ANKRD12: variants seen among roughly 807,000 people sequenced by gnomAD.
ANKRD12 encodes ankyrin repeat domain-containing protein 12.
Under a neutral mutation model 183.4 loss-of-function variants are expected in ANKRD12, and 85 were observed. That is an observed-to-expected ratio of 0.46 (90% confidence interval 0.39 to 0.56). The LOEUF (loss-of-function observed/expected upper bound fraction) is 0.56. ANKRD12 is among the 20% of genes least tolerant of loss of function. The pLI is 0.00. For synonymous variants in ANKRD12, 914 were observed against 800.2 expected, an observed-to-expected ratio of 1.14 and a Z score of -2.40; for missense variants, 2,405 against 2,357.1, an observed-to-expected ratio of 1.02 and a Z score of -0.42.
chr18:9,247,546 T>A (rs2038035538), intron 8 of ANKRD12, among the ~76,000 whole-genome samples: 1 of 152,208 alleles, frequency 6.6e-6, no homozygotes. Context: ...TATTATCATA[T>A]TTAGGCTAAT....
intron 8 of ANKRD12, among the ~76,000 whole-genome samples, chr18:9,228,468 C>T (rs1023293578): frequency 3.9e-5 from 6 of 152,128 alleles, no homozygotes; most frequent in Non-Finnish European, 7.4e-5. Context: ...TTCTCCACAC[C>T]CTCGCCAGTA....
intron 12 of ANKRD12, among the ~76,000 whole-genome samples, chr18:9,280,622 C>G (rs962629925): frequency 1.3e-5 from 2 of 152,126 alleles, no homozygotes; most frequent in African/African-American, 4.8e-5. Flanking sequence ...AACCCCATCT[C>G]TAAGAAAAAT....
chr18:9,268,588 C>G (rs2039429394), intron 10 of ANKRD12, among the ~76,000 whole-genome samples: 1 of 152,166 alleles, frequency 6.6e-6, no homozygotes. Flanking sequence ...ATGCTAAAAA[C>G]TCTCAATAAA....
At chr18:9,236,348 T>C (rs969532289) in intron 8 of ANKRD12, among the ~76,000 whole-genome samples, 2 of 152,164 alleles carry the variant, frequency 1.3e-5, no homozygotes, top group Non-Finnish European at 2.9e-5. Flanking sequence ...GAGAGAATGA[T>C]AAATTTAAAC....
intron 8 of ANKRD12, among the ~76,000 whole-genome samples, chr18:9,250,488 G>A (rs1356397369): frequency 6.6e-6 from 1 of 152,128 alleles, no homozygotes; most frequent in Non-Finnish European, 1.5e-5. Flanking sequence ...GGAGGCTGAG[G>A]TGGGAGGATT....
At chr18:9,161,011 T>C (rs1220519768) in intron 1 of ANKRD12, among the ~76,000 whole-genome samples, 3 of 152,206 alleles carry the variant, frequency 2.0e-5, no homozygotes, top group Non-Finnish European at 4.4e-5. Context: ...GTTTTTGTTT[T>C]TTGTTTTTGT....
At chr18:9,209,213 C>G (rs1180352236) in intron 5 of ANKRD12, among the ~76,000 whole-genome samples, 1 of 151,950 alleles carries the variant, frequency 6.6e-6, no homozygotes, top group Non-Finnish European at 1.5e-5. Flanking sequence ...AGGACAAAAA[C>G]AAAAAGGGAA....
chr18:9,253,101 T>A (rs942881029), intron 8 of ANKRD12, among the ~76,000 whole-genome samples: 3 of 152,226 alleles, frequency 2.0e-5, no homozygotes, highest in African/African-American at 7.2e-5. Flanking sequence ...ATAATAGTTG[T>A]ACATAATTTG....
At position 9,257,547 on chromosome 18, in the gene ANKRD12, A is replaced by C; in HGVS notation, c.4280A>C (p.Glu1427Ala). The part of the protein sequence containing the change: ...KSWEMPVDRL[E>A]TLSTRDFICP... The stretch of plus-strand genomic sequence containing the variant: ...TGGGAGATGCCTGTTGATAGACTAG[A>C]GACATTAAGCACCAGAGACTTTATC... Residue 1427 changes from glutamate (E) to alanine (A), a missense_variant, in exon 9 of 13, where the codon GAG (glutamate) becomes GCG (alanine). By Grantham distance (107) the Glu-to-Ala change is moderately radical (BLOSUM62 -1). Coordinates refer to ENST00000262126, the MANE Select transcript of ANKRD12 (RefSeq NM_015208.5). The C allele has an allele frequency of 6.2e-7, 1 of 1,614,110 alleles. No individual in the cohort carries two copies.
At chr18:9,278,783 CAAA>C (rs567385765) in intron 11 of ANKRD12, among the ~76,000 whole-genome samples, 1 of 136,514 alleles carries the variant, frequency 7.3e-6, no homozygotes, top group Non-Finnish European at 1.6e-5. Flanking sequence ...GACTCCATCT[CAAA>C]AAAAAAAAAG....
At chr18:9,178,343 C>T (rs7239963) in intron 1 of ANKRD12, among the ~76,000 whole-genome samples, 84 of 150,484 alleles carry the variant, frequency 5.6e-4, no homozygotes, top group Admixed American at 7.9e-4. Context: ...CTCTCTCTCT[C>T]GTTTTTTGCA....
rs573193056 is a variant in ANKRD12, at chr18:9,256,720, C to G, written c.3453C>G (p.Thr1151=). ...SKSSEVTDAY[T]KEKQPKDAVS... ...GTTCAGAAGTGACTGATGCATATAC[C>G]AAGGAGAAACAACCTAAAGATGCTG... The change falls in exon 9 of 13, where the codon ACC becomes ACG. Residue 1151 remains threonine (T), a synonymous_variant. Transcript: ENST00000262126. The G allele has an allele frequency of 6.2e-6, 10 of 1,611,542 alleles. No homozygotes were observed. Among genetic ancestry groups the G allele is most frequent in the African/African-American group, 1.3e-5 (1 of 74,590 alleles).
chr18:9,255,867 TAAAAGA>T lies in ANKRD12; in HGVS notation c.2604_2609del (p.Glu869_Lys870del). The T allele has an allele frequency of 6.3e-7, 1 of 1,586,678 alleles. No individual in the cohort carries two copies. The highest frequency in any genetic ancestry group is 1.4e-5 in the African/African-American group (1 of 72,900). On this transcript the variant is annotated inframe_deletion, in exon 9 of 13. Transcript: ENST00000262126. Reference sequence around the variant, plus strand: ...GATCTTAGTGAATGTGTTGATAAAATAAAAGAAAAGGACAAGCTATATTCGCATCAC... The same window carrying T: ...GATCTTAGTGAATGTGTTGATAAAATAAAGGACAAGCTATATTCGCATCAC...
At chr18:9,269,511 C>CA (rs2039483117) in intron 10 of ANKRD12, among the ~76,000 whole-genome samples, 1 of 152,162 alleles carries the variant, frequency 6.6e-6, no homozygotes, top group East Asian at 1.9e-4. Context: ...CAAAAACAAA[C>CA]AATGGGGAAA....
intron 2 of ANKRD12, among the ~76,000 whole-genome samples, chr18:9,187,494 G>A (rs1260024920): frequency 1.3e-5 from 2 of 152,008 alleles, no homozygotes; most frequent in Non-Finnish European, 2.9e-5. Context: ...GCTGTTATGA[G>A]GTCCTAAATT....
Position 9,226,678 on chromosome 18 carries a change from G to A in ANKRD12, c.943+4679G>A, listed in dbSNP as rs75988990. Among the ~76,000 whole-genome samples, 419 of 150,010 alleles carry A rather than the reference G, an allele frequency of 2.8e-3. 2 individuals carry two copies. The highest frequency in any genetic ancestry group is 1.0e-2 in the African/African-American group (404 of 40,600). ...GATTATATGGTAGAGAAATCCAGCAGCACCTAGACTGTGTGAACTCCATTT... is the reference window on the plus strand; with the variant it reads ...GATTATATGGTAGAGAAATCCAGCAACACCTAGACTGTGTGAACTCCATTT... On this transcript the variant is annotated intron_variant, in intron 8 of 12. Coordinates refer to ENST00000262126, the MANE Select transcript of ANKRD12 (RefSeq NM_015208.5).
Position 9,255,352 on chromosome 18 carries a change from T to G in ANKRD12, c.2085T>G (p.Phe695Leu). ...LQRSVEFDRE[F>L]WKENFFKSDE... is the part of the protein sequence containing the mutation. ...GGAGTGTGGAATTTGATAGAGAATT[T>G]TGGAAAGAGAATTTTTTTAAAAGTG... Residue 695 changes from phenylalanine to leucine, a missense_variant, in exon 9 of 13, where the codon TTT (phenylalanine) becomes TTG (leucine). Phe to Leu is a conservative substitution (Grantham distance 22, BLOSUM62 0). Around this residue, in one of 7 missense-constraint regions of ANKRD12, gnomAD observed 1,983 missense variants for 1,725.9 expected, o/e 1.15. Coordinates refer to ENST00000262126, the MANE Select transcript of ANKRD12 (RefSeq NM_015208.5). The G allele has an allele frequency of 6.2e-7, 1 of 1,608,444 alleles. No homozygotes were observed. Among genetic ancestry groups the G allele is most frequent in the Non-Finnish European group, 8.5e-7 (1 of 1,178,396 alleles).
chr18:9,235,340 TGAATAG>T (rs2037283100), intron 8 of ANKRD12, among the ~76,000 whole-genome samples: 1 of 152,104 alleles, frequency 6.6e-6, no homozygotes, highest in South Asian at 2.1e-4. Flanking sequence ...AAACAAAAAT[TGAATAG>T]GAAGAAAAAT....
intron 6 of ANKRD12, among the ~76,000 whole-genome samples, 160 bp from the exon 7 acceptor site, chr18:9,216,598 A>G (rs2036121842): frequency 6.6e-6 from 1 of 152,118 alleles, no homozygotes; most frequent in African/African-American, 2.4e-5. Context: ...CAGTAAATTG[A>G]TATTGTTCTT....
Sources: allele counts gnomAD v4.1 joint callset (sites outside exome capture counted in the v4.1 genomes callset), GRCh38; gene constraint gnomAD v4.1.1; regional missense constraint gnomAD v4.1.1; transcripts MANE v1.5; gene names NCBI Gene and HGNC (gene_info 2026-07-23, HGNC 2026-07-21).